Variants in RIMS2 observed in about 807,000 individuals in gnomAD.
RIMS2 encodes the protein regulating synaptic membrane exocytosis protein 2.
RIMS2 carries 59 observed loss-of-function variants against 174.4 expected under a neutral mutation model. That is an observed-to-expected ratio of 0.34 (90% CI 0.27 to 0.42). The LOEUF is 0.42. Among genes scored for constraint, RIMS2 ranks in the 10% least tolerant of loss-of-function variants. RIMS2 has a pLI of 1.00. For synonymous variants in RIMS2, 606 were observed against 572.5 expected, an observed-to-expected ratio of 1.06 and a Z score of -0.84; for missense variants, 1,620 against 1,666.3, an observed-to-expected ratio of 0.97 and a Z score of 0.48.
intron 1 of RIMS2, among the ~76,000 whole-genome samples, chr8:103,530,606 G>T (rs552180064): frequency 1.3e-5 from 2 of 152,174 alleles, no homozygotes; most frequent in Admixed American, 6.5e-5. Context: ...AAGAAATCTG[G>T]TGAAGCTATA....
chr8:103,921,642 A>G (rs780107804), intron 9 of RIMS2, 30 bp from the exon 13 acceptor site: 4 of 852,340 alleles, frequency 4.7e-6, no homozygotes, highest in African/African-American at 3.3e-5. Flanking sequence ...AGCCATTGTT[A>G]TTATTCGTTA....
intron 1 of RIMS2, among the ~76,000 whole-genome samples, chr8:103,538,423 A>G (rs559160797): frequency 1.0e-3 from 157 of 152,098 alleles, no homozygotes; most frequent in African/African-American, 3.7e-3. Flanking sequence ...AACCTGGTGC[A>G]CCCATCACCT....
At chr8:104,204,455 A>G (rs2099070281) in intron 19 of RIMS2, among the ~76,000 whole-genome samples, 1 of 152,164 alleles carries the variant, frequency 6.6e-6, no homozygotes, top group Non-Finnish European at 1.5e-5. Context: ...GTATTTGCAT[A>G]TGGTGTTCTT....
chr8:103,625,067 GCTGT>G (rs2095747145), intron 1 of RIMS2, among the ~76,000 whole-genome samples: 2 of 152,034 alleles, frequency 1.3e-5, no homozygotes, highest in Admixed American at 1.3e-4. Flanking sequence ...ACTTCAACTG[GCTGT>G]CTTTCTTGTT....
At chr8:103,621,272 G>C (rs1341334377) in intron 1 of RIMS2, among the ~76,000 whole-genome samples, 1 of 152,174 alleles carries the variant, frequency 6.6e-6, no homozygotes, top group East Asian at 1.9e-4. Context: ...AGGAGACAGG[G>C]TCATTGATAA....
intron 19 of RIMS2, chr8:104,068,554 A>G (rs1470153135): frequency 6.4e-7 from 1 of 1,572,194 alleles, no homozygotes; most frequent in Non-Finnish European, 8.6e-7. Flanking sequence ...ATGAAAATTA[A>G]CAAATACAAA....
intron 3 of RIMS2, among the ~76,000 whole-genome samples, chr8:103,792,967 G>A (rs1051717519): frequency 2.0e-5 from 3 of 152,068 alleles, no homozygotes; most frequent in Non-Finnish European, 4.4e-5. Flanking sequence ...AAAAGTCCAG[G>A]ACCAGATGGA....
intron 19 of RIMS2, among the ~76,000 whole-genome samples, chr8:104,105,081 A>G (rs2098016695): frequency 2.0e-5 from 3 of 152,130 alleles, no homozygotes; most frequent in Non-Finnish European, 4.4e-5. Context: ...GGCTATTTAA[A>G]TCCTTTAGGA....
intron 1 of RIMS2, among the ~76,000 whole-genome samples, chr8:103,537,721 T>C (rs1840487700): frequency 6.6e-6 from 1 of 152,164 alleles, no homozygotes; most frequent in Non-Finnish European, 1.5e-5. Context: ...TTTTTAATAA[T>C]GTAGTAATAT....
intron 3 of RIMS2, among the ~76,000 whole-genome samples, chr8:103,841,634 T>G (rs1227640335): frequency 6.6e-6 from 1 of 152,194 alleles, no homozygotes; most frequent in Non-Finnish European, 1.5e-5. Flanking sequence ...AGCAGTCTCT[T>G]AGCATCTGTT....
intron 19 of RIMS2, 122 bp downstream of exon 25, chr8:104,148,970 G>T (rs1350982369): frequency 9.6e-7 from 1 of 1,039,894 alleles, no homozygotes; most frequent in African/African-American, 1.6e-5. Flanking sequence ...GAGGGAAAGG[G>T]CATTTTAAAC....
rs1331952080 is a variant in RIMS2, at chr8:104,170,409, T to C, written c.3335-74507T>C. 2.0e-5 allele frequency among the ~76,000 whole-genome samples: 3 copies of C among 152,132 alleles called. No homozygotes were observed. The East Asian group carries it at 5.8e-4, about 29-fold the overall frequency. On this transcript the variant is annotated intron_variant, in intron 19 of 23. Transcript: ENST00000504942. The stretch of plus-strand genomic sequence containing the variant: ...TCTTCCTGTTGAACTAATCCATTTA[T>C]CATTATATAACATGGTTCTTGTCTT...
At chr8:104,050,999 T>C (rs2096775920) in intron 19 of RIMS2, among the ~76,000 whole-genome samples, 1 of 151,732 alleles carries the variant, frequency 6.6e-6, no homozygotes, top group Non-Finnish European at 1.5e-5. Context: ...ACTTCAGGAG[T>C]CCAAGGCAGG....
chr8:103,853,332 G>A (rs570387994), intron 3 of RIMS2, among the ~76,000 whole-genome samples: 2 of 152,042 alleles, frequency 1.3e-5, no homozygotes, highest in South Asian at 4.1e-4. Flanking sequence ...CATTCTGTAT[G>A]TAGTCTGTTT....
chr8:104,165,702 G>A (rs528895465), intron 19 of RIMS2, among the ~76,000 whole-genome samples: 6 of 150,820 alleles, frequency 4.0e-5, no homozygotes, highest in African/African-American at 1.5e-4. Context: ...CTGTTTTTCA[G>A]TGAAACATTT....
At chr8:103,651,843 A>C (rs2096458138) in intron 1 of RIMS2, among the ~76,000 whole-genome samples, 1 of 152,126 alleles carries the variant, frequency 6.6e-6, no homozygotes, top group Non-Finnish European at 1.5e-5. Flanking sequence ...ATATTAAGGA[A>C]AAATTAAAAA....
At chr8:103,984,715 G>A (rs543610870) in intron 16 of RIMS2, among the ~76,000 whole-genome samples, 20 of 152,324 alleles carry the variant, frequency 1.3e-4, no homozygotes, top group Middle Eastern at 6.8e-3. Flanking sequence ...CCCAAAAGAA[G>A]GGAAATCGGT....
At chr8:104,017,912 T>TA (rs1228677394) in intron 19 of RIMS2, among the ~76,000 whole-genome samples, 6 of 151,608 alleles carry the variant, frequency 4.0e-5, no homozygotes, top group African/African-American at 1.5e-4. Flanking sequence ...CCCATCGCTA[T>TA]AAAAAATATA....
intron 3 of RIMS2, among the ~76,000 whole-genome samples, chr8:103,854,679 G>C (rs556815672): frequency 6.6e-6 from 1 of 151,958 alleles, no homozygotes; most frequent in South Asian, 2.1e-4. Context: ...ATTGATTTGT[G>C]TATCTTGAAC....
Sources: allele counts gnomAD v4.1 joint callset (sites outside exome capture counted in the v4.1 genomes callset), GRCh38; gene constraint gnomAD v4.1.1; transcripts MANE v1.5; gene names NCBI Gene and HGNC (gene_info 2026-07-23, HGNC 2026-07-21).